Variants in TRAK2 observed in about 807,000 individuals in gnomAD.
The protein encoded by TRAK2 is trafficking kinesin-binding protein 2.
Under a neutral mutation model 104.6 loss-of-function variants are expected in TRAK2, and 81 were observed. The observed-to-expected ratio is 0.77, with a 90% CI of 0.65 to 0.93. The LOEUF is 0.93. Ranked by LOEUF, TRAK2 falls within the 40% of genes least tolerant of loss-of-function variation. The pLI, the probability that TRAK2 is intolerant of heterozygous loss-of-function variation, is 0.00. For missense variants in TRAK2, 1,002 were observed against 1,089.0 expected (o/e 0.92, Z 1.12); for synonymous variants, 406 against 394.4 (o/e 1.03, Z -0.35).
intron 1 of TRAK2, among the ~76,000 whole-genome samples, chr2:201,430,156 C>T (rs1951829174): frequency 6.6e-6 from 1 of 152,244 alleles, no homozygotes; most frequent in Admixed American, 6.5e-5. Flanking sequence ...TATTGCAGAA[C>T]AGCCAATGTT....
At chr2:201,426,481 C>T (rs545023384) in intron 1 of TRAK2, among the ~76,000 whole-genome samples, 4 of 152,210 alleles carry the variant, frequency 2.6e-5, no homozygotes, top group South Asian at 4.1e-4. Flanking sequence ...AAATGTAAAG[C>T]GCTTGAATCA....
intron 1 of TRAK2, among the ~76,000 whole-genome samples, chr2:201,424,598 G>T (rs554975864): frequency 1.3e-5 from 2 of 150,710 alleles, no homozygotes; most frequent in African/African-American, 4.9e-5. Context: ...TTGTTCGTTT[G>T]TTTTTGTTTT....
At chr2:201,395,854 A>C (rs958914556) in intron 7 of TRAK2, among the ~76,000 whole-genome samples, 2 of 152,226 alleles carry the variant, frequency 1.3e-5, no homozygotes, top group African/African-American at 4.8e-5. Context: ...CAAGCAATGA[A>C]AATTAATCTT....
chr2:201,415,136 T>C (rs1253803719), intron 2 of TRAK2, among the ~76,000 whole-genome samples: 1 of 151,958 alleles, frequency 6.6e-6, no homozygotes, highest in Non-Finnish European at 1.5e-5. Context: ...ACCGGTAAGA[T>C]AATTAAATCA....
chr2:201,388,279 A>C (rs551883812), intron 12 of TRAK2, among the ~76,000 whole-genome samples: 1 of 152,340 alleles, frequency 6.6e-6, no homozygotes, highest in East Asian at 1.9e-4. Flanking sequence ...ATGAAACTAC[A>C]CATTCAACCA....
chr2:201,381,231 A>AG lies in TRAK2; in HGVS notation c.2070-14_2070-13insC. On this transcript the variant is annotated splice_polypyrimidine_tract_variant and intron_variant, in intron 15 of 15. Coordinates refer to ENST00000332624, the MANE Select transcript of TRAK2 (RefSeq NM_015049.3). ...AGGGAACCCAGAGCTTAAAAAAAAA[A>AG]AAAAAAAGTGGGAGACAGTGTTTAA... is the stretch of plus-strand genomic sequence containing the variant. 6.4e-7 allele frequency: 1 copy of AG among 1,565,370 alleles called. No individual in the cohort carries two copies. The highest frequency in any genetic ancestry group is 1.2e-5 in the South Asian group (1 of 84,712).
chr2:201,432,433 T>C (rs1559453306), intron 1 of TRAK2, among the ~76,000 whole-genome samples: 1 of 152,212 alleles, frequency 6.6e-6, no homozygotes, highest in Non-Finnish European at 1.5e-5. Flanking sequence ...TGCTTTTCTT[T>C]ATAAAACAAC....
chr2:201,429,346 T>C (rs925955102), intron 1 of TRAK2, among the ~76,000 whole-genome samples: 1 of 152,234 alleles, frequency 6.6e-6, no homozygotes, highest in Non-Finnish European at 1.5e-5. Flanking sequence ...TGTCTTGCAG[T>C]TGCTCTTCTC....
At chr2:201,451,308 T>C (rs1250086364) in intron 1 of TRAK2, 42 bp downstream of exon 1, 1 of 152,134 alleles carries the variant, frequency 6.6e-6, no homozygotes, top group African/African-American at 2.4e-5. Flanking sequence ...CCGGGGAAGT[T>C]GTCAAGGGCA....
intron 1 of TRAK2, among the ~76,000 whole-genome samples, chr2:201,448,069 C>T (rs1033105334): frequency 5.3e-5 from 8 of 152,226 alleles, no homozygotes; most frequent in African/African-American, 1.9e-4. Context: ...AAAGAAAGAA[C>T]AGGAACCTTG....
intron 7 of TRAK2, 55 bp downstream of exon 7, chr2:201,397,447 T>C: frequency 7.8e-7 from 1 of 1,277,050 alleles, no homozygotes; most frequent in South Asian, 1.3e-5. Flanking sequence ...GAGGTGGAGA[T>C]ACCCTACCAA....
chr2:201,398,809 C>T (rs553738459), intron 5 of TRAK2, among the ~76,000 whole-genome samples: 44 of 152,042 alleles, frequency 2.9e-4, no homozygotes, highest in African/African-American at 9.6e-4. Context: ...TTTTAGTTCT[C>T]GGAACAAATA....
At chr2:201,407,233 T>C (rs1951602093) in intron 3 of TRAK2, among the ~76,000 whole-genome samples, 170 bp downstream of exon 3, 1 of 152,232 alleles carries the variant, frequency 6.6e-6, no homozygotes, top group African/African-American at 2.4e-5. Context: ...TGACAAACTT[T>C]CTGCATTCAG....
intron 1 of TRAK2, among the ~76,000 whole-genome samples, chr2:201,437,087 C>G (rs1194611197): frequency 2.0e-5 from 3 of 152,174 alleles, no homozygotes; most frequent in Non-Finnish European, 2.9e-5. Flanking sequence ...GATAAGGTTA[C>G]TTTTTGAGGG....
At chr2:201,401,232 G>A in intron 3 of TRAK2, 138 bp from the exon 4 acceptor site, 2 of 499,170 alleles carry the variant, frequency 4.0e-6, no homozygotes, top group South Asian at 8.1e-5. Context: ...AAATATATGT[G>A]AAAAAAAAGA....
intron 1 of TRAK2, among the ~76,000 whole-genome samples, chr2:201,425,714 CTTTT>C (rs200294169): frequency 9.8e-6 from 1 of 102,066 alleles, no homozygotes; most frequent in South Asian, 3.6e-4. Flanking sequence ...GAAAGCATTG[CTTTT>C]TTTTTTTAAA....
At chr2:201,418,462 A>G (rs1410016230) in intron 2 of TRAK2, among the ~76,000 whole-genome samples, 1 of 152,222 alleles carries the variant, frequency 6.6e-6, no homozygotes, top group African/African-American at 2.4e-5. Flanking sequence ...AAAATCTTAA[A>G]TGGCCAGAAT....
rs1054062138 is a variant in TRAK2 at position 201,378,536 on chromosome 2, C to T, written c.*2007G>A. ...TTAAGAATTGACTAAAGTAAGCACC[C>T]CAGAGTCACTTTATGAAATACAAAT... is the stretch of plus-strand genomic sequence containing the variant. On this transcript the variant is annotated 3_prime_UTR_variant, in exon 16 of 16. Transcript: ENST00000332624. 2 of 152,006 alleles carry T rather than the reference C, an allele frequency of 1.3e-5. No individual in the cohort carries two copies. Among genetic ancestry groups the T allele is most frequent in the African/African-American group, 4.8e-5 (2 of 41,374 alleles). The allele number at this position is 152,006 out of a possible 1,614,324, so 9.4% of individuals were successfully genotyped here. A position where few individuals can be genotyped will look rare whatever the true frequency, so the allele number is the denominator to read the frequency against.
chr2:201,402,137 C>T (rs927017218), intron 3 of TRAK2, among the ~76,000 whole-genome samples: 1 of 151,940 alleles, frequency 6.6e-6, no homozygotes. Flanking sequence ...ATAAAGTATT[C>T]GTTAACTGCT....
Sources: gnomAD v4.1 joint callset for allele counts (sites outside exome capture counted in the v4.1 genomes callset) on GRCh38, gnomAD v4.1.1 for gene constraint, MANE v1.5 for transcripts, NCBI Gene and HGNC (gene_info 2026-07-23, HGNC 2026-07-21) for gene names.